Variants in STK39 observed in about 807,000 individuals in gnomAD.
The protein encoded by STK39 is serine/threonine kinase 39, also known as STE20/SPS1-related proline-alanine-rich protein kinase.
STK39 carries 20 observed loss-of-function variants against 77.8 expected under a neutral mutation model. The observed-to-expected ratio is 0.26, with a 90% CI of 0.18 to 0.37. The LOEUF (loss-of-function observed/expected upper bound fraction) is 0.37. STK39 is among the 10% of genes least tolerant of loss of function. The pLI is 1.00. For missense variants in STK39, 479 were observed against 656.5 expected (o/e 0.73, Z 2.95); for synonymous variants, 246 against 234.1 (o/e 1.05, Z -0.47).
At chr2:168,186,894 G>C (rs1250899946) in intron 1 of STK39, among the ~76,000 whole-genome samples, 2 of 152,162 alleles carry the variant, frequency 1.3e-5, no homozygotes, top group Non-Finnish European at 2.9e-5. Context: ...GGCTAGGAGA[G>C]CTAAATTTGG....
intron 1 of STK39, among the ~76,000 whole-genome samples, chr2:168,220,100 AATAGAG>A (rs1010411053): frequency 2.6e-5 from 4 of 152,086 alleles, no homozygotes; most frequent in African/African-American, 9.7e-5. Flanking sequence ...TACATTTATA[AATAGAG>A]ATAAAGGTCT....
At chr2:168,044,186 G>A (rs1685179509) in intron 14 of STK39, among the ~76,000 whole-genome samples, 1 of 152,118 alleles carries the variant, frequency 6.6e-6, no homozygotes, top group African/African-American at 2.4e-5. Context: ...GAAGATCCTT[G>A]CAATACTGTT....
intron 1 of STK39, among the ~76,000 whole-genome samples, chr2:168,204,317 A>G (rs1344198458): frequency 6.6e-6 from 1 of 152,190 alleles, no homozygotes; most frequent in East Asian, 1.9e-4. Flanking sequence ...GGGTTTCCTC[A>G]GCCCACCAAG....
intron 1 of STK39, among the ~76,000 whole-genome samples, chr2:168,229,104 T>A (rs1196262441): frequency 6.6e-6 from 1 of 152,084 alleles, no homozygotes; most frequent in African/African-American, 2.4e-5. Flanking sequence ...GCGTGGTGGC[T>A]CACACCTGTA....
rs529029114 is a variant in STK39, at chr2:168,023,174, C to T, written c.1377-6079G>A. Reference sequence around the variant, plus strand: ...AAGTGATTCCCCCTACCTCAGGATTCCAAAGTGCTGGGATTACAGGTGTGA... The same window carrying T: ...AAGTGATTCCCCCTACCTCAGGATTTCAAAGTGCTGGGATTACAGGTGTGA... On this transcript the variant is annotated intron_variant, in intron 14 of 17. Coordinates refer to ENST00000355999, the MANE Select transcript of STK39 (RefSeq NM_013233.3). Among the ~76,000 whole-genome samples, 13 of 152,192 alleles carry T rather than the reference C, an allele frequency of 8.5e-5. No individual in the cohort carries two copies. In the East Asian group the frequency reaches 2.5e-3, roughly 29 times the overall value.
At chr2:168,166,649 G>A (rs1688699913) in intron 3 of STK39, among the ~76,000 whole-genome samples, 1 of 152,142 alleles carries the variant, frequency 6.6e-6, no homozygotes, top group Non-Finnish European at 1.5e-5. Context: ...GTCCAATACT[G>A]GAGCCATACA....
At chr2:168,223,338 C>T (rs1213447852) in intron 1 of STK39, among the ~76,000 whole-genome samples, 1 of 151,864 alleles carries the variant, frequency 6.6e-6, no homozygotes, top group African/African-American at 2.4e-5. Context: ...GGTGAAACCC[C>T]GTCTTTACTA....
intron 17 of STK39, among the ~76,000 whole-genome samples, chr2:167,956,696 A>ACACACACACACACACACACC (rs776309488): frequency 2.0e-5 from 1 of 48,994 alleles, no homozygotes; most frequent in Non-Finnish European, 4.4e-5. Flanking sequence ...ACACACACAC[A>ACACACACACACACACACACC]CTCTCTCTCT....
intron 14 of STK39, among the ~76,000 whole-genome samples, chr2:168,051,176 G>C (rs1405710840): frequency 6.6e-6 from 1 of 152,148 alleles, no homozygotes; most frequent in Non-Finnish European, 1.5e-5. Context: ...AGTCCTAAGA[G>C]ACAACCTTCC....
intron 14 of STK39, among the ~76,000 whole-genome samples, chr2:168,062,949 G>A (rs1685699841): frequency 1.3e-5 from 2 of 151,896 alleles, no homozygotes; most frequent in African/African-American, 4.8e-5. Flanking sequence ...AACGGAAAAC[G>A]CTTTCATTCA....
intron 8 of STK39, among the ~76,000 whole-genome samples, chr2:168,137,716 C>T (rs1412477652): frequency 5.3e-5 from 8 of 152,216 alleles, no homozygotes; most frequent in Admixed American, 5.2e-4. Flanking sequence ...GCAGGATATT[C>T]AAATCCTGAG....
rs141071659 is a variant in STK39, at chr2:167,985,533, A to C, written c.1499-20807T>G. 2.1e-3 allele frequency among the ~76,000 whole-genome samples: 320 copies of C among 152,314 alleles called. 1 individual carries two copies. The highest frequency in any genetic ancestry group is 7.1e-3 in the African/African-American group (295 of 41,570). On this transcript the variant is annotated intron_variant, in intron 16 of 17. Coordinates refer to ENST00000355999, the MANE Select transcript of STK39 (RefSeq NM_013233.3). ...TCATCCTACATTTGAGAATGTCTAC[A>C]GAAGGAAGTTCCAATCTTCCTTCAT...
chr2:168,209,943 G>A (rs1335975432), intron 1 of STK39, among the ~76,000 whole-genome samples: 1 of 149,198 alleles, frequency 6.7e-6, no homozygotes, highest in Non-Finnish European at 1.5e-5. Flanking sequence ...AGGTTGCAAT[G>A]AGCCAAGATC....
At chr2:167,980,611 C>T (rs1233118737) in intron 16 of STK39, among the ~76,000 whole-genome samples, 16 of 152,190 alleles carry the variant, frequency 1.1e-4, no homozygotes, top group Admixed American at 1.0e-3. Context: ...ACTGTGAGCC[C>T]AGCACACGGT....
intron 10 of STK39, among the ~76,000 whole-genome samples, chr2:168,089,528 T>G (rs1022105722): frequency 6.6e-6 from 1 of 152,358 alleles, no homozygotes. Flanking sequence ...AACCTCAACA[T>G]GACAATATGG....
chr2:168,118,602 C>CAAAAAAAAAAAAAAAAA (rs35533319), intron 10 of STK39, among the ~76,000 whole-genome samples: 1 of 119,348 alleles, frequency 8.4e-6, no homozygotes, highest in Non-Finnish European at 1.7e-5. Context: ...CATATGCTTT[C>CAAAAAAAAAAAAAAAAA]AAAAAAAAAA....
At chr2:168,175,502 T>C (rs1405359502) in intron 2 of STK39, among the ~76,000 whole-genome samples, 1 of 152,222 alleles carries the variant, frequency 6.6e-6, no homozygotes, top group African/African-American at 2.4e-5. Context: ...TAAATTCAAT[T>C]AGTATATTTA....
chr2:168,168,362 G>A (rs559172989), intron 2 of STK39, among the ~76,000 whole-genome samples: 1 of 152,084 alleles, frequency 6.6e-6, no homozygotes, highest in South Asian at 2.1e-4. Flanking sequence ...TCAGTCTAAT[G>A]TAACTCTCAA....
intron 16 of STK39, among the ~76,000 whole-genome samples, chr2:168,009,336 T>C (rs1298075321): frequency 2.0e-5 from 3 of 152,098 alleles, no homozygotes; most frequent in Non-Finnish European, 4.4e-5. Context: ...ATACATTAGT[T>C]TGTCAAATAA....
Sources: gnomAD v4.1 joint callset for allele counts (sites outside exome capture counted in the v4.1 genomes callset) on GRCh38, gnomAD v4.1.1 for gene constraint, MANE v1.5 for transcripts, NCBI Gene and HGNC (gene_info 2026-07-23, HGNC 2026-07-21) for gene names.